Variants in MLYCD observed in about 807,000 individuals in gnomAD.
MLYCD encodes malonyl-CoA decarboxylase.
Under a neutral mutation model 35.8 loss-of-function variants are expected in MLYCD, and 27 were observed. That is an observed-to-expected ratio of 0.75 (90% CI 0.56 to 1.04). The LOEUF (loss-of-function observed/expected upper bound fraction) is 1.04, where lower values mean the gene tolerates loss of function less well. MLYCD is among the 50% of genes least tolerant of loss of function. The probability of loss-of-function intolerance (pLI) is 0.00; values close to 1 mark genes in which losing one functional copy is unlikely to be tolerated. For missense variants in MLYCD, 917 were observed against 665.1 expected (o/e 1.38, Z -4.17); for synonymous variants, 403 against 302.4 (o/e 1.33, Z -3.45).
intron 3 of MLYCD, among the ~76,000 whole-genome samples, chr16:83,910,522 T>G (rs1216524761): frequency 6.6e-6 from 1 of 151,804 alleles, no homozygotes; most frequent in African/African-American, 2.4e-5. Flanking sequence ...AAACCCCGTC[T>G]CTACTAAAAA....
chr16:83,912,378 C>G lies in MLYCD; in HGVS notation c.948+11C>G. ...GTCAAGGAGTTGCAGGTAAGCGACA[C>G]GCAGGGAGCCCCGGTCACGCTTGGC... On this transcript the variant is annotated intron_variant, in intron 4 of 4. Coordinates refer to ENST00000262430, the MANE Select transcript of MLYCD (RefSeq NM_012213.3). The G allele has an allele frequency of 8.1e-6, 13 of 1,614,008 alleles. No individual in the cohort carries two copies. The highest frequency in any genetic ancestry group is 1.1e-5 in the Non-Finnish European group (13 of 1,180,016).
At chr16:83,902,151 G>T (rs1316084262) in intron 1 of MLYCD, among the ~76,000 whole-genome samples, 1 of 106,814 alleles carries the variant, frequency 9.4e-6, no homozygotes, top group African/African-American at 4.0e-5. Context: ...GTGTGTGTGC[G>T]TGCGTATATA....
At chr16:83,900,582 ATTT>A (rs1156957811) in intron 1 of MLYCD, among the ~76,000 whole-genome samples, 6,666 of 120,700 alleles carry the variant, frequency 0.055, 133 homozygotes, top group East Asian at 0.13. Context: ...TGCCCGGCTA[ATTT>A]TTTTTTTTTT....
At position 83,924,275 on chromosome 16, in the gene MLYCD, T is replaced by C. The variant is rs116073222; in HGVS notation, c.*8786T>C. ...GGTTTGGAGATGGGGGATCTGGCCC[T>C]GTGGTGAGTGCACCCAGAGCAGGTG... On this transcript the variant is annotated 3_prime_UTR_variant, in exon 5 of 5. Transcript: ENST00000262430. 8.8e-3 allele frequency: 1,342 copies of C among 152,286 alleles called. 27 individuals carry two copies. The highest frequency in any genetic ancestry group is 0.031 in the African/African-American group (1,283 of 41,518). The allele number at this position is 152,286 out of a possible 1,614,324, so 9.4% of individuals were successfully genotyped here.
At chr16:83,911,045 C>T (rs964450917) in intron 3 of MLYCD, among the ~76,000 whole-genome samples, 4 of 152,144 alleles carry the variant, frequency 2.6e-5, no homozygotes, top group Non-Finnish European at 5.9e-5. Flanking sequence ...GGCATGATCT[C>T]GGCTCCCTGC....
At chr16:83,909,614 T>G (rs1339370762) in intron 3 of MLYCD, among the ~76,000 whole-genome samples, 1 of 145,336 alleles carries the variant, frequency 6.9e-6, no homozygotes, top group Non-Finnish European at 1.5e-5. Context: ...TAGGTGGTGG[T>G]GTTGTGTTTT....
chr16:83,900,279 T>C (rs1402386414), intron 1 of MLYCD, among the ~76,000 whole-genome samples: 1 of 152,214 alleles, frequency 6.6e-6, no homozygotes, highest in Non-Finnish European at 1.5e-5. Context: ...CTGAGTTGAC[T>C]TGAGGTAATC....
At position 83,922,309 on chromosome 16, in the gene MLYCD, T is replaced by G. The variant is rs1907680650; in HGVS notation, c.*6820T>G. The G allele has an allele frequency of 1.3e-5, 2 of 152,212 alleles. No individual in the cohort carries two copies. The highest frequency in any genetic ancestry group is 2.1e-4 in the South Asian group (1 of 4,824). The allele number at this position is 152,212 out of a possible 1,614,324, so 9.4% of individuals were successfully genotyped here. A position where few individuals can be genotyped will look rare whatever the true frequency, so the allele number is the denominator to read the frequency against. On this transcript the variant is annotated 3_prime_UTR_variant, in exon 5 of 5. Coordinates refer to ENST00000262430, the MANE Select transcript of MLYCD (RefSeq NM_012213.3). ...CGGCTCTCCTTATCTCTTGGAGCCCTGTCATCTGTGGATCAGATGCTCCCC... is the reference window on the plus strand; with the variant it reads ...CGGCTCTCCTTATCTCTTGGAGCCCGGTCATCTGTGGATCAGATGCTCCCC...
chr16:83,916,601 T>G lies in MLYCD; in HGVS notation c.*1112T>G. 1 of 148,892 alleles carries G rather than the reference T, an allele frequency of 6.7e-6. No homozygotes were observed. The highest frequency in any genetic ancestry group is 1.5e-5 in the Non-Finnish European group (1 of 67,642). The allele number at this position is 148,892 out of a possible 1,614,324, so 9.2% of individuals were successfully genotyped here. Reference sequence around the variant, plus strand: ...GTGGATCAGTGCACGTCTGTGTGCGTGTGCACGAGCGTCTCTGTGTGGATC... The same window carrying G: ...GTGGATCAGTGCACGTCTGTGTGCGGGTGCACGAGCGTCTCTGTGTGGATC... On this transcript the variant is annotated 3_prime_UTR_variant, in exon 5 of 5. Coordinates refer to ENST00000262430, the MANE Select transcript of MLYCD (RefSeq NM_012213.3).
At chr16:83,910,063 G>T (rs62047933) in intron 3 of MLYCD, among the ~76,000 whole-genome samples, 1 of 152,038 alleles carries the variant, frequency 6.6e-6, no homozygotes, top group African/African-American at 2.4e-5. Flanking sequence ...GGGCACGTGA[G>T]AATGTGCGTG....
chr16:83,899,773 C>G, intron 1 of MLYCD, 101 bp downstream of exon 1: 4 of 1,327,868 alleles, frequency 3.0e-6, no homozygotes, highest in Middle Eastern at 5.4e-4. Context: ...GCCTTCCCTG[C>G]CCGATAGCAC....
chr16:83,918,182 C>T lies in MLYCD; in HGVS notation c.*2693C>T, dbSNP rs2151061658. 6.6e-6 allele frequency: 1 copy of T among 152,372 alleles called. No individual in the cohort carries two copies. Among genetic ancestry groups the T allele is most frequent in the South Asian group, 2.1e-4 (1 of 4,826 alleles). The allele number at this position is 152,372 out of a possible 1,614,324, so 9.4% of individuals were successfully genotyped here. On this transcript the variant is annotated 3_prime_UTR_variant, in exon 5 of 5. Transcript: ENST00000262430. ...AACCCTCCCGGTTTTATTTATCACT[C>T]AGGCAGAGTTTCTTAACCTTTTGTG... is the stretch of plus-strand genomic sequence containing the variant.
At position 83,915,924 on chromosome 16, in the gene MLYCD, A is replaced by G. The variant is rs1023956364; in HGVS notation, c.*435A>G. 7 of 1,079,476 alleles carry G rather than the reference A, an allele frequency of 6.5e-6. No individual in the cohort carries two copies. The highest frequency in any genetic ancestry group is 7.9e-6 in the Non-Finnish European group (7 of 885,968). 66.9% of individuals were successfully genotyped at this position (1,079,476 alleles called of 1,614,324 possible). On this transcript the variant is annotated 3_prime_UTR_variant, in exon 5 of 5. Coordinates refer to ENST00000262430, the MANE Select transcript of MLYCD (RefSeq NM_012213.3). ...TGTGCTCATAAAACAGAATGCGGCGATGGTTGCTTTAGCCGTTTCTCACCA... is the reference window on the plus strand; with the variant it reads ...TGTGCTCATAAAACAGAATGCGGCGGTGGTTGCTTTAGCCGTTTCTCACCA...
In MLYCD at chr16:83,926,469, AAG is replaced by A. The variant is rs759791082; in HGVS notation, c.*10981_*10982del. On this transcript the variant is annotated 3_prime_UTR_variant, in exon 5 of 5. Transcript: ENST00000262430. ...GCCGTGACACCTAATCCATCCGGGGAAGTTCCCTTTAAACCCAAAAGGGGACG... is the reference window on the plus strand; with the variant it reads ...GCCGTGACACCTAATCCATCCGGGGATTCCCTTTAAACCCAAAAGGGGACG... The A allele has an allele frequency of 1.3e-5, 2 of 152,168 alleles. No homozygotes were observed. The highest frequency in any genetic ancestry group is 1.5e-5 in the Non-Finnish European group (1 of 68,060). 9.4% of individuals were successfully genotyped at this position (152,168 alleles called of 1,614,324 possible). A position where few individuals can be genotyped will look rare whatever the true frequency, so the allele number is the denominator to read the frequency against.
rs972531400 is a variant in MLYCD, at chr16:83,926,626, G to A, written c.*11137G>A. Reference sequence around the variant, plus strand: ...TGAACACAAGGACACCTCCGATTTCGTCCTGTGAATGTTGATATTAGTGGT... The same window carrying A: ...TGAACACAAGGACACCTCCGATTTCATCCTGTGAATGTTGATATTAGTGGT... On this transcript the variant is annotated 3_prime_UTR_variant, in exon 5 of 5. Transcript: ENST00000262430. 3 of 152,276 alleles carry A rather than the reference G, an allele frequency of 2.0e-5. No homozygotes were observed. Among genetic ancestry groups the A allele is most frequent in the Non-Finnish European group, 2.9e-5 (2 of 68,086 alleles). The allele number at this position is 152,276 out of a possible 1,614,324, so 9.4% of individuals were successfully genotyped here. A position where few individuals can be genotyped will look rare whatever the true frequency, so the allele number is the denominator to read the frequency against.
rs1364299756 is a variant in MLYCD at position 83,920,184 on chromosome 16, G to GTT, written c.*4698_*4699dup. On this transcript the variant is annotated 3_prime_UTR_variant, in exon 5 of 5. Coordinates refer to ENST00000262430, the MANE Select transcript of MLYCD (RefSeq NM_012213.3). Reference sequence around the variant, plus strand: ...CACACCCTGTGCACAGTTTTGTTTTGTTTTGCTTTTGCAATTCCAGGGAGC... The same window carrying GTT: ...CACACCCTGTGCACAGTTTTGTTTTGTTTTTTGCTTTTGCAATTCCAGGGAGC... 1 of 152,142 alleles carries GTT rather than the reference G, an allele frequency of 6.6e-6. No individual in the cohort carries two copies. The highest frequency in any genetic ancestry group is 1.5e-5 in the Non-Finnish European group (1 of 68,036). The allele number at this position is 152,142 out of a possible 1,614,324, so 9.4% of individuals were successfully genotyped here.
chr16:83,904,736 C>G (rs973342661), intron 1 of MLYCD, among the ~76,000 whole-genome samples: 2 of 152,206 alleles, frequency 1.3e-5, no homozygotes, highest in Non-Finnish European at 2.9e-5. Context: ...AATCCGTTTT[C>G]AAACAGCTCC....
chr16:83,907,605 C>T (rs1907026775), intron 2 of MLYCD, among the ~76,000 whole-genome samples: 1 of 152,224 alleles, frequency 6.6e-6, no homozygotes, highest in African/African-American at 2.4e-5. Context: ...GGCATCTTCA[C>T]ATTACATGTT....
At chr16:83,907,750 C>T (rs1001760556) in intron 2 of MLYCD, among the ~76,000 whole-genome samples, 4 of 152,144 alleles carry the variant, frequency 2.6e-5, no homozygotes, top group African/African-American at 9.7e-5. Flanking sequence ...TGGAAGACAC[C>T]AGATGAGCCC....
Sources: gnomAD v4.1 joint callset for allele counts (sites outside exome capture counted in the v4.1 genomes callset) on GRCh38, gnomAD v4.1.1 for gene constraint, MANE v1.5 for transcripts, NCBI Gene and HGNC (gene_info 2026-07-23, HGNC 2026-07-21) for gene names.